The following SLC1A7 variants were observed in gnomAD, a reference collection of about 807,000 sequenced individuals.
The protein encoded by SLC1A7 is excitatory amino acid transporter 5.
A neutral mutation model predicts 47.7 loss-of-function variants in SLC1A7; 40 were observed. The observed-to-expected ratio is 0.84, with a 90% confidence interval of 0.65 to 1.09. The LOEUF (loss-of-function observed/expected upper bound fraction) is 1.09, where lower values mean the gene tolerates loss of function less well. Ranked by LOEUF, SLC1A7 falls within the 50% of genes least tolerant of loss-of-function variation. The pLI is 0.00. For synonymous variants in SLC1A7, 323 were observed against 325.6 expected, an observed-to-expected ratio of 0.99 and a Z score of 0.09; for missense variants, 746 against 769.5, an observed-to-expected ratio of 0.97 and a Z score of 0.36.
At chr1:53,134,228 G>A (rs529996007) in intron 2 of SLC1A7, 122 bp downstream of exon 2, 33 of 648,744 alleles carry the variant, frequency 5.1e-5, no homozygotes, top group Non-Finnish European at 8.0e-5. Context: ...AAGGCCCCAC[G>A]GTCACACTCA....
At chr1:53,091,104 GC>G in intron 7 of SLC1A7, 1 of 735,916 alleles carries the variant, frequency 1.4e-6, no homozygotes, top group Non-Finnish European at 2.1e-6. Context: ...AGGGCCCTGG[GC>G]CAGGCTGTCT....
chr1:53,126,101 G>T (rs1306332831), intron 2 of SLC1A7, among the ~76,000 whole-genome samples: 1 of 152,198 alleles, frequency 6.6e-6, no homozygotes. Flanking sequence ...CCTTGGAGTG[G>T]GTTGCTGTTT....
At chr1:53,141,585 G>T (rs1211107004) in intron 1 of SLC1A7, among the ~76,000 whole-genome samples, 1 of 152,036 alleles carries the variant, frequency 6.6e-6, no homozygotes, top group African/African-American at 2.4e-5. Flanking sequence ...AGTTACACAG[G>T]CTGGAAACCC....
intron 2 of SLC1A7, among the ~76,000 whole-genome samples, chr1:53,118,866 G>T (rs560280019): frequency 6.6e-6 from 1 of 152,028 alleles, no homozygotes; most frequent in Non-Finnish European, 1.5e-5. Flanking sequence ...GTGTGGTGGC[G>T]CATGCCTGTA....
At chr1:53,091,548 C>T (rs1402841463) in intron 7 of SLC1A7, among the ~76,000 whole-genome samples, 1 of 152,194 alleles carries the variant, frequency 6.6e-6, no homozygotes, top group Non-Finnish European at 1.5e-5. Flanking sequence ...TTGTCCTGCC[C>T]TCTGACCCCC....
chr1:53,098,302 T>TAC (rs368306719), intron 5 of SLC1A7, among the ~76,000 whole-genome samples: 4 of 145,180 alleles, frequency 2.8e-5, no homozygotes, highest in Admixed American at 6.8e-5. Flanking sequence ...CCTGTCTCGG[T>TAC]ACACACACAC....
chr1:53,096,372 TCA>T (rs1200712577), intron 5 of SLC1A7, among the ~76,000 whole-genome samples: 21 of 128,644 alleles, frequency 1.6e-4, no homozygotes, highest in Non-Finnish European at 2.8e-4. Flanking sequence ...CTTGGTACAC[TCA>T]CACATCCCGC....
rs1489588827 is a variant in SLC1A7, at chr1:53,129,104, G to A, written c.215+5246C>T. The stretch of plus-strand genomic sequence containing the variant: ...TGAGGCAGGAGAATTGCTTGAACCC[G>A]GGAGGTGGAGATTGCAGTGAGCTGA... On this transcript the variant is annotated intron_variant, in intron 2 of 10. Coordinates refer to ENST00000371494, the MANE Select transcript of SLC1A7 (RefSeq NM_006671.6). 2.9e-5 allele frequency among the ~76,000 whole-genome samples: 4 copies of A among 138,056 alleles called. 1 individual carries two copies. The highest frequency in any genetic ancestry group is 7.4e-5 in the Admixed American group (1 of 13,562). The allele number at this position is 138,056 out of a possible 152,430, so 90.6% of individuals were successfully genotyped here. A position where few individuals can be genotyped will look rare whatever the true frequency, so the allele number is the denominator to read the frequency against.
At chr1:53,108,786 G>C (rs1315078869) in intron 3 of SLC1A7, among the ~76,000 whole-genome samples, 2 of 152,186 alleles carry the variant, frequency 1.3e-5, no homozygotes, top group Admixed American at 1.3e-4. Context: ...CTTCTGGACT[G>C]TTCTTCAGGA....
At chr1:53,095,708 C>A (rs1038322089) in intron 5 of SLC1A7, among the ~76,000 whole-genome samples, 1 of 150,004 alleles carries the variant, frequency 6.7e-6, no homozygotes, top group Non-Finnish European at 1.5e-5. Context: ...CACCCTGCCT[C>A]GGTACACACA....
chr1:53,106,983 C>T (rs1291912932), intron 3 of SLC1A7, among the ~76,000 whole-genome samples: 5 of 151,856 alleles, frequency 3.3e-5, no homozygotes, highest in East Asian at 1.9e-4. Flanking sequence ...GGCGAAACCC[C>T]GTCTCTACTA....
At chr1:53,118,050 G>A (rs1425227562) in intron 2 of SLC1A7, among the ~76,000 whole-genome samples, 1 of 152,262 alleles carries the variant, frequency 6.6e-6, no homozygotes, top group South Asian at 2.1e-4. Context: ...CAGGGCCACC[G>A]CAGGTGAGGG....
At chr1:53,093,912 C>T (rs1214504486) in intron 5 of SLC1A7, among the ~76,000 whole-genome samples, 1 of 152,198 alleles carries the variant, frequency 6.6e-6, no homozygotes, top group African/African-American at 2.4e-5. Flanking sequence ...CTGCCTCTCC[C>T]TCCTGCTCCT....
At chr1:53,089,975 C>A (rs567526262) in intron 8 of SLC1A7, 41 bp from the exon 9 acceptor site, 3 of 1,608,886 alleles carry the variant, frequency 1.9e-6, no homozygotes, top group Non-Finnish European at 2.5e-6. Context: ...GCAGGAGGGG[C>A]AGGGTGCATT....
At chr1:53,113,275 C>G (rs998027553) in intron 3 of SLC1A7, among the ~76,000 whole-genome samples, 1 of 152,116 alleles carries the variant, frequency 6.6e-6, no homozygotes, top group African/African-American at 2.4e-5. Flanking sequence ...AATCCCTGCT[C>G]TCTCACCACC....
intron 4 of SLC1A7, among the ~76,000 whole-genome samples, chr1:53,104,272 A>G (rs1446424405): frequency 6.6e-6 from 1 of 152,202 alleles, no homozygotes; most frequent in Non-Finnish European, 1.5e-5. Context: ...ATGAAATGAA[A>G]TGAGACGATG....
intron 10 of SLC1A7, among the ~76,000 whole-genome samples, chr1:53,088,623 C>A (rs935784711): frequency 6.6e-6 from 1 of 152,186 alleles, no homozygotes; most frequent in African/African-American, 2.4e-5. Context: ...CATCCCGACA[C>A]GAGGGCGGGG....
At chr1:53,138,113 A>G (rs1308222570) in intron 1 of SLC1A7, among the ~76,000 whole-genome samples, 2 of 152,134 alleles carry the variant, frequency 1.3e-5, no homozygotes, top group African/African-American at 2.4e-5. Context: ...ATTTCCCCTC[A>G]GGTTTAGAAG....
At chr1:53,127,879 C>T (rs369457948) in intron 2 of SLC1A7, among the ~76,000 whole-genome samples, 4 of 152,092 alleles carry the variant, frequency 2.6e-5, no homozygotes, top group African/African-American at 9.7e-5. Context: ...GTTGGGCCTC[C>T]GGATGAGAAC....
Sources: gnomAD v4.1 joint callset for allele counts (sites outside exome capture counted in the v4.1 genomes callset) on GRCh38, gnomAD v4.1.1 for gene constraint, MANE v1.5 for transcripts, NCBI Gene and HGNC (gene_info 2026-07-23, HGNC 2026-07-21) for gene names.